Variants in RAP2B observed in about 807,000 individuals in gnomAD.
RAP2B encodes RAP2B, member of RAS oncogene family, also known as ras-related protein Rap-2b.
In RAP2B, 6 loss-of-function variants were observed where a neutral mutation model predicts 14.4. That is an observed-to-expected ratio of 0.42 (90% CI 0.23 to 0.82). RAP2B has a LOEUF of 0.82. Among genes scored for constraint, RAP2B ranks in the 40% least tolerant of loss-of-function variants. The probability of loss-of-function intolerance (pLI) is 0.30; values close to 1 mark genes in which losing one functional copy is unlikely to be tolerated. For missense variants in RAP2B, 137 were observed against 248.2 expected (o/e 0.55, Z 3.01); for synonymous variants, 118 against 113.2 (o/e 1.04, Z -0.27).
In RAP2B at chr3:153,166,146, C is replaced by T. The variant is rs747249883; in HGVS notation, c.*2901C>T. On this transcript the variant is annotated 3_prime_UTR_variant, in exon 1 of 1. Coordinates refer to ENST00000323534, the MANE Select transcript of RAP2B (RefSeq NM_002886.4). Reference sequence around the variant, plus strand: ...TGGCAGAGCAGAAGATTTTAATATGCTTTTATTAAGTGATGTAAAATAAAT... The same window carrying T: ...TGGCAGAGCAGAAGATTTTAATATGTTTTTATTAAGTGATGTAAAATAAAT... 4 of 167,074 alleles carry T rather than the reference C, an allele frequency of 2.4e-5. No homozygotes were observed. Among genetic ancestry groups the T allele is most frequent in the Non-Finnish European group, 5.9e-5 (4 of 68,082 alleles). 10.3% of individuals were successfully genotyped at this position (167,074 alleles called of 1,614,324 possible).
In RAP2B at chr3:153,169,441, C is replaced by T. The variant is rs6764804; in HGVS notation, c.*6196C>T. ...AAAGTGCTGGGATTACAGGTGTGAG[C>T]CACCGCACCCAGCCTTTTTTTTGAA... On this transcript the variant is annotated 3_prime_UTR_variant, in exon 1 of 1. Coordinates refer to ENST00000323534, the MANE Select transcript of RAP2B (RefSeq NM_002886.4). 1,431 of 149,704 alleles carry T rather than the reference C, an allele frequency of 9.6e-3. 28 individuals are homozygous for T. The highest frequency in any genetic ancestry group is 0.034 in the African/African-American group (1,358 of 40,416). 9.3% of individuals were successfully genotyped at this position (149,704 alleles called of 1,614,324 possible). A position where few individuals can be genotyped will look rare whatever the true frequency, so the allele number is the denominator to read the frequency against.
chr3:153,167,988 T>G lies in RAP2B; in HGVS notation c.*4743T>G, dbSNP rs1178829864. The G allele has an allele frequency of 6.0e-6, 1 of 167,092 alleles. No homozygotes were observed. The highest frequency in any genetic ancestry group is 1.5e-5 in the Non-Finnish European group (1 of 68,120). 10.4% of individuals were successfully genotyped at this position (167,092 alleles called of 1,614,324 possible). On this transcript the variant is annotated 3_prime_UTR_variant, in exon 1 of 1. Transcript: ENST00000323534. ...AAATCATTGTGCCAGAGAATTTAAA[T>G]CTTCATATCATGGTAAGCACATGCG...
chr3:153,162,673 G>C lies in RAP2B; in HGVS notation c.-21G>C. The C allele has an allele frequency of 1.9e-6, 3 of 1,574,858 alleles. No individual in the cohort carries two copies. The highest frequency in any genetic ancestry group is 2.6e-6 in the Non-Finnish European group (3 of 1,159,402). On this transcript the variant is annotated 5_prime_UTR_variant, in exon 1 of 1. Transcript: ENST00000323534. The surrounding 1 kb of genome is among the most constrained non-coding windows in gnomAD (Gnocchi z 4.9). ...GCCCCGACGGGGCCGCGGCAGGCGCGGCGAGAGCGCTGACGGAGCCATGAG... is the reference window on the plus strand; with the variant it reads ...GCCCCGACGGGGCCGCGGCAGGCGCCGCGAGAGCGCTGACGGAGCCATGAG...
rs1457993237 is a variant in RAP2B, at chr3:153,162,559, T to TCTGGGTTGCTCTCTC, written c.-127_-113dup. 1.6e-4 allele frequency: 181 copies of TCTGGGTTGCTCTCTC among 1,108,738 alleles called. 1 individual carries two copies. The African/African-American group carries it at 2.6e-3, about 16-fold the overall frequency. The allele number at this position is 1,108,738 out of a possible 1,614,324, so 68.7% of individuals were successfully genotyped here. On this transcript the variant is annotated 5_prime_UTR_variant, in exon 1 of 1. Transcript: ENST00000323534. The surrounding 1 kb of genome is among the most constrained non-coding windows in gnomAD (Gnocchi z 4.9). ...GTTCGGTGGTTTCCGCCCTGCGTTC[T>TCTGGGTTGCTCTCTC]CTGGGTTGCTCTCTCCTGGGTTTTT...
rs926883607 is a variant in RAP2B at position 153,162,462 on chromosome 3, T to C, written c.-232T>C. The C allele has an allele frequency of 5.8e-6, 2 of 347,520 alleles. No individual in the cohort carries two copies. Among genetic ancestry groups the C allele is most frequent in the Non-Finnish European group, 5.1e-6 (1 of 196,958 alleles). 21.5% of individuals were successfully genotyped at this position (347,520 alleles called of 1,614,324 possible). On this transcript the variant is annotated 5_prime_UTR_variant, in exon 1 of 1. Coordinates refer to ENST00000323534, the MANE Select transcript of RAP2B (RefSeq NM_002886.4). The surrounding 1 kb of genome is among the most constrained non-coding windows in gnomAD (Gnocchi z 4.9). ...CCGGGCTGCTGCTGCCGCCGCGGACTGCTGCGGGGCCCGGACCCGCACCCC... is the reference window on the plus strand; with the variant it reads ...CCGGGCTGCTGCTGCCGCCGCGGACCGCTGCGGGGCCCGGACCCGCACCCC...
In RAP2B at chr3:153,162,561, TG is replaced by T; in HGVS notation, c.-130del. On this transcript the variant is annotated 5_prime_UTR_variant, in exon 1 of 1. Transcript: ENST00000323534. This position sits in a 1 kb window ranked among gnomAD's most constrained non-coding sequence, Gnocchi z 4.9. ...TCGGTGGTTTCCGCCCTGCGTTCTC[TG>T]GGTTGCTCTCTCCTGGGTTTTTCCT... 8.9e-7 allele frequency: 1 copy of T among 1,122,632 alleles called. No homozygotes were observed. The highest frequency in any genetic ancestry group is 1.7e-5 in the South Asian group (1 of 58,708). The allele number at this position is 1,122,632 out of a possible 1,614,324, so 69.5% of individuals were successfully genotyped here.
In RAP2B at chr3:153,168,354, T is replaced by A. The variant is rs917306587; in HGVS notation, c.*5109T>A. 2 of 167,066 alleles carry A rather than the reference T, an allele frequency of 1.2e-5. No individual in the cohort carries two copies. The highest frequency in any genetic ancestry group is 2.4e-5 in the African/African-American group (1 of 41,454). 10.3% of individuals were successfully genotyped at this position (167,066 alleles called of 1,614,324 possible). A position where few individuals can be genotyped will look rare whatever the true frequency, so the allele number is the denominator to read the frequency against. ...TACTATTTAGATGCTGAGAATAATA[T>A]TATCATGCTTGGGTGGGGAAGAAAG... On this transcript the variant is annotated 3_prime_UTR_variant, in exon 1 of 1. Coordinates refer to ENST00000323534, the MANE Select transcript of RAP2B (RefSeq NM_002886.4).
In RAP2B at chr3:153,163,309, G is replaced by A. The variant is rs1713464032; in HGVS notation, c.*64G>A. On this transcript the variant is annotated 3_prime_UTR_variant, in exon 1 of 1. Transcript: ENST00000323534. ...GCCAAACGCATCCGACTCTCTAAAT[G>A]TGATTTATTTCTTGCTTTGAGATTG... 12 of 1,465,316 alleles carry A rather than the reference G, an allele frequency of 8.2e-6. No homozygotes were observed. Among genetic ancestry groups the A allele is most frequent in the Middle Eastern group, 2.2e-4 (1 of 4,546 alleles). The allele number at this position is 1,465,316 out of a possible 1,614,324, so 90.8% of individuals were successfully genotyped here.
Position 153,164,706 on chromosome 3 carries a change from T to C in RAP2B, c.*1461T>C, listed in dbSNP as rs1438662024. The C allele has an allele frequency of 6.0e-6, 1 of 167,118 alleles. No individual in the cohort carries two copies. Among genetic ancestry groups the C allele is most frequent in the Non-Finnish European group, 1.5e-5 (1 of 68,122 alleles). 10.4% of individuals were successfully genotyped at this position (167,118 alleles called of 1,614,324 possible). On this transcript the variant is annotated 3_prime_UTR_variant, in exon 1 of 1. Transcript: ENST00000323534. ...TTCATTTTAAGACTTTTAATACAAA[T>C]GTCATTTTTAAAGAAACAAACCCAA... is the stretch of plus-strand genomic sequence containing the variant.
rs1026725553 is a variant in RAP2B at position 153,165,818 on chromosome 3, G to A, written c.*2573G>A. 2.4e-5 allele frequency: 4 copies of A among 166,912 alleles called. No homozygotes were observed. Among genetic ancestry groups the A allele is most frequent in the Admixed American group, 6.5e-5 (1 of 15,276 alleles). The allele number at this position is 166,912 out of a possible 1,614,324, so 10.3% of individuals were successfully genotyped here. On this transcript the variant is annotated 3_prime_UTR_variant, in exon 1 of 1. Coordinates refer to ENST00000323534, the MANE Select transcript of RAP2B (RefSeq NM_002886.4). Reference sequence around the variant, plus strand: ...TAATTTTATGCCTTTGCAAAGATTCGTTCTTGTATTTGAATAAATTCAGTT... The same window carrying A: ...TAATTTTATGCCTTTGCAAAGATTCATTCTTGTATTTGAATAAATTCAGTT...
rs568831043 is a variant in RAP2B, at chr3:153,169,792, G to T, written c.*6547G>T. On this transcript the variant is annotated 3_prime_UTR_variant, in exon 1 of 1. Coordinates refer to ENST00000323534, the MANE Select transcript of RAP2B (RefSeq NM_002886.4). ...AAAATTGTAGAGATAGGGTCTTGCC[G>T]TGTTGCCCAGGCTGGTCTCAAATTC... 4.0e-5 allele frequency: 6 copies of T among 151,844 alleles called. No homozygotes were observed. The East Asian group carries it at 5.9e-4, about 15-fold the overall frequency. The allele number at this position is 151,844 out of a possible 1,614,324, so 9.4% of individuals were successfully genotyped here.
rs1320139741 is a variant in RAP2B, at chr3:153,165,125, A to G, written c.*1880A>G. The G allele has an allele frequency of 3.0e-5, 5 of 166,986 alleles. No individual in the cohort carries two copies. The highest frequency in any genetic ancestry group is 1.2e-4 in the African/African-American group (5 of 41,432). 10.3% of individuals were successfully genotyped at this position (166,986 alleles called of 1,614,324 possible). ...TTTTCTTCCTTTTTTCCCTCTGTTT[A>G]TATTGCACATCAAGTCAAAAACATG... On this transcript the variant is annotated 3_prime_UTR_variant, in exon 1 of 1. Transcript: ENST00000323534.
rs1390832762 is a variant in RAP2B, at chr3:153,168,519, G to A, written c.*5274G>A. 1 of 160,926 alleles carries A rather than the reference G, an allele frequency of 6.2e-6. No homozygotes were observed. Among genetic ancestry groups the A allele is most frequent in the Admixed American group, 6.6e-5 (1 of 15,252 alleles). 10.0% of individuals were successfully genotyped at this position (160,926 alleles called of 1,614,324 possible). On this transcript the variant is annotated 3_prime_UTR_variant, in exon 1 of 1. Transcript: ENST00000323534. ...TGTTGTTGTTACTGTTATTTTCATA[G>A]CACAGTAGTCTACAGCTCTCTATAG...
In RAP2B at chr3:153,164,577, G is replaced by A. The variant is rs929059537; in HGVS notation, c.*1332G>A. The A allele has an allele frequency of 1.2e-5, 2 of 166,402 alleles. No individual in the cohort carries two copies. Among genetic ancestry groups the A allele is most frequent in the Admixed American group, 1.3e-4 (2 of 15,246 alleles). The allele number at this position is 166,402 out of a possible 1,614,324, so 10.3% of individuals were successfully genotyped here. A position where few individuals can be genotyped will look rare whatever the true frequency, so the allele number is the denominator to read the frequency against. ...TTATTTTTAAATTTTTTAATTACCT[G>A]TTGTAGGGTGTTCCTCCAGAAGCAA... On this transcript the variant is annotated 3_prime_UTR_variant, in exon 1 of 1. Transcript: ENST00000323534.
In RAP2B at chr3:153,163,257, C is replaced by A; in HGVS notation, c.*12C>A. 2 of 1,513,152 alleles carry A rather than the reference C, an allele frequency of 1.3e-6. No homozygotes were observed. The highest frequency in any genetic ancestry group is 1.8e-6 in the Non-Finnish European group (2 of 1,134,246). The allele number at this position is 1,513,152 out of a possible 1,614,324, so 93.7% of individuals were successfully genotyped here. On this transcript the variant is annotated 3_prime_UTR_variant, in exon 1 of 1. Transcript: ENST00000323534. ...GCGTGATCCTCTGAGGCGGCCACCG[C>A]GCGCCGGCCGCGCTCTGCGCACAAA...
Position 153,170,468 on chromosome 3 carries a change from TAAAC to T in RAP2B, c.*7226_*7229del, listed in dbSNP as rs1433281211. The T allele has an allele frequency of 3.3e-5, 5 of 152,344 alleles. No individual in the cohort carries two copies. Among genetic ancestry groups the T allele is most frequent in the East Asian group, 3.9e-4 (2 of 5,188 alleles). 9.4% of individuals were successfully genotyped at this position (152,344 alleles called of 1,614,324 possible). On this transcript the variant is annotated 3_prime_UTR_variant, in exon 1 of 1. Transcript: ENST00000323534. Reference sequence around the variant, plus strand: ...CTATAATCTGTGAAATAGTGTATATTAAACAATAATAGTATATGGAAAAGCACAT... The same window carrying T: ...CTATAATCTGTGAAATAGTGTATATTAATAATAGTATATGGAAAAGCACAT...
chr3:153,163,254 CCGCGCG>C lies in RAP2B; in HGVS notation c.*11_*16del. The C allele has an allele frequency of 6.6e-7, 1 of 1,522,366 alleles. No individual in the cohort carries two copies. Among genetic ancestry groups the C allele is most frequent in the Non-Finnish European group, 8.8e-7 (1 of 1,138,908 alleles). 94.3% of individuals were successfully genotyped at this position (1,522,366 alleles called of 1,614,324 possible). On this transcript the variant is annotated 3_prime_UTR_variant, in exon 1 of 1. Transcript: ENST00000323534. ...CCTGCGTGATCCTCTGAGGCGGCCA[CCGCGCG>C]CCGGCCGCGCTCTGCGCACAAAAGC... is the stretch of plus-strand genomic sequence containing the variant.
rs3732621 is a variant in RAP2B at position 153,165,247 on chromosome 3, G to A, written c.*2002G>A. The A allele has an allele frequency of 0.038, 6,270 of 167,128 alleles. 288 individuals carry two copies. Among genetic ancestry groups the A allele is most frequent in the East Asian group, 0.16 (850 of 5,180 alleles). 10.4% of individuals were successfully genotyped at this position (167,128 alleles called of 1,614,324 possible). On this transcript the variant is annotated 3_prime_UTR_variant, in exon 1 of 1. Transcript: ENST00000323534. ...TAGACACTGCCTCAACCCTTTTGAGGTTTTGATTTGGAAATAGATTTAAAA... is the reference window on the plus strand; with the variant it reads ...TAGACACTGCCTCAACCCTTTTGAGATTTTGATTTGGAAATAGATTTAAAA...
Position 153,162,903 on chromosome 3 carries a change from G to C in RAP2B, c.210G>C (p.Leu70=). 6.2e-7 allele frequency: 1 copy of C among 1,614,060 alleles called. No homozygotes were observed. The highest frequency in any genetic ancestry group is 8.5e-7 in the Non-Finnish European group (1 of 1,180,028). ...GTEQFASMRD[L]YIKNGQGFIL... ...AGCAGTTCGCGTCCATGCGGGACCT[G>C]TACATCAAGAACGGCCAGGGCTTCA... is the stretch of plus-strand genomic sequence containing the variant. Residue 70 remains leucine (L), a synonymous_variant, in exon 1 of 1, where the codon CTG becomes CTC. Coordinates refer to ENST00000323534, the MANE Select transcript of RAP2B (RefSeq NM_002886.4). The surrounding 1 kb of genome is among the most constrained non-coding windows in gnomAD (Gnocchi z 4.9).
Sources: gnomAD v4.1 joint callset for allele counts on GRCh38, gnomAD v4.1.1 for gene constraint, Gnocchi (gnomAD v3.1) non-coding constraint, MANE v1.5 for transcripts, NCBI Gene and HGNC (gene_info 2026-07-23, HGNC 2026-07-21) for gene names.